ARMH1: variants seen among roughly 807,000 people sequenced by gnomAD.
The protein encoded by ARMH1 is armadillo-like helical domain containing protein 1.
ARMH1 carries 34 observed loss-of-function variants against 50.2 expected under a neutral mutation model. The ratio of observed to expected loss-of-function variants is 0.68; its 90% CI spans 0.51 to 0.90. ARMH1 has a LOEUF of 0.90. Among genes scored for constraint, ARMH1 ranks in the 40% least tolerant of loss-of-function variants. ARMH1 has a pLI of 0.00. For missense variants in ARMH1, 538 were observed against 553.9 expected, an observed-to-expected ratio of 0.97 and a Z score of 0.29; for synonymous variants, 221 against 224.2, an observed-to-expected ratio of 0.99 and a Z score of 0.13.
intron 6 of ARMH1, among the ~76,000 whole-genome samples, chr1:44,722,864 C>A (rs1365096757): frequency 1.3e-5 from 2 of 148,456 alleles, no homozygotes; most frequent in African/African-American, 5.0e-5. Flanking sequence ...TCAAGACCAG[C>A]CTGGCCAAGA....
intron 6 of ARMH1, among the ~76,000 whole-genome samples, chr1:44,719,025 GAAAAAAAAAA>G (rs35822364): frequency 1.3e-4 from 10 of 78,636 alleles, no homozygotes; most frequent in African/African-American, 2.0e-4. Flanking sequence ...AACTGTCTCG[GAAAAAAAAAA>G]AAAAAAAAAA....
intron 6 of ARMH1, among the ~76,000 whole-genome samples, chr1:44,712,121 C>T (rs1449179372): frequency 6.6e-6 from 1 of 152,154 alleles, no homozygotes; most frequent in Non-Finnish European, 1.5e-5. Flanking sequence ...CTTTTAATCC[C>T]AGCACTTTGG....
At chr1:44,722,654 G>T (rs886951783) in intron 6 of ARMH1, among the ~76,000 whole-genome samples, 5 of 152,084 alleles carry the variant, frequency 3.3e-5, no homozygotes, top group Middle Eastern at 3.4e-3. Context: ...TGAGGCAGGA[G>T]TATCGCTTGA....
Position 44,697,096 on chromosome 1 carries a change from A to G in ARMH1, c.207-6A>G, listed in dbSNP as rs367659739. ...CCTGAAACTCACTCTTTAACGTGTC[A>G]TACAGCTATATGACTGACTCATGTT... is the stretch of plus-strand genomic sequence containing the variant. On this transcript the variant is annotated splice_polypyrimidine_tract_variant and splice_region_variant and intron_variant, in intron 2 of 11. Transcript: ENST00000535358. 101 of 1,550,548 alleles carry G rather than the reference A, an allele frequency of 6.5e-5. 1 individual carries two copies. The East Asian group carries it at 9.5e-4, about 15-fold the overall frequency.
intron 2 of ARMH1, chr1:44,692,854 C>T (rs1645702457): frequency 6.6e-6 from 1 of 152,020 alleles, no homozygotes; most frequent in Non-Finnish European, 1.5e-5. Context: ...CTCACCTCAG[C>T]CTCCCAAGCA....
intron 6 of ARMH1, among the ~76,000 whole-genome samples, chr1:44,712,065 C>T (rs1386589040): frequency 1.3e-5 from 2 of 152,194 alleles, no homozygotes; most frequent in Non-Finnish European, 2.9e-5. Flanking sequence ...CAAGACTTGC[C>T]TTGTTTTTAC....
intron 6 of ARMH1, among the ~76,000 whole-genome samples, chr1:44,719,213 G>A (rs1646981002): frequency 7.5e-6 from 1 of 133,926 alleles, no homozygotes; most frequent in African/African-American, 3.1e-5. Flanking sequence ...TCTGTGATTG[G>A]GAAAACCAGG....
At chr1:44,721,572 C>G (rs11211025) in intron 6 of ARMH1, among the ~76,000 whole-genome samples, 1 of 151,664 alleles carries the variant, frequency 6.6e-6, no homozygotes, top group African/African-American at 2.4e-5. Flanking sequence ...GCTAAAAAAA[C>G]ATGACAGTAG....
Position 44,683,895 on chromosome 1 carries a change from G to T in ARMH1, c.-22-5781G>T, listed in dbSNP as rs1423194471. 6.6e-6 allele frequency among the ~76,000 whole-genome samples: 1 copy of T among 152,164 alleles called. No homozygotes were observed. Among genetic ancestry groups the T allele is most frequent in the East Asian group, 1.9e-4 (1 of 5,194 alleles). ...AGGCAGGGTGCGGTGGCTCACACCTGTAATTCCAGCACTTTGGGAGGCCAA... is the reference window on the plus strand; with the variant it reads ...AGGCAGGGTGCGGTGGCTCACACCTTTAATTCCAGCACTTTGGGAGGCCAA... On this transcript the variant is annotated intron_variant, in intron 1 of 11. Coordinates refer to ENST00000535358, the MANE Select transcript of ARMH1 (RefSeq NM_001145636.2). This position sits in a 1 kb window ranked among gnomAD's most constrained non-coding sequence, Gnocchi z 4.2.
At chr1:44,693,440 T>C (rs2148627565) in intron 2 of ARMH1, among the ~76,000 whole-genome samples, 1 of 152,288 alleles carries the variant, frequency 6.6e-6, no homozygotes, top group East Asian at 1.9e-4. Context: ...CATCTCATCA[T>C]GGATTTGTTG....
At chr1:44,688,846 T>TC (rs1193192422) in intron 1 of ARMH1, among the ~76,000 whole-genome samples, 17 of 152,212 alleles carry the variant, frequency 1.1e-4, no homozygotes, top group Non-Finnish European at 2.2e-4. Flanking sequence ...AGCCCATTAA[T>TC]CCAACTATGG....
intron 1 of ARMH1, among the ~76,000 whole-genome samples, chr1:44,679,072 G>T (rs573063411): frequency 6.6e-6 from 1 of 152,310 alleles, no homozygotes; most frequent in East Asian, 1.9e-4. Flanking sequence ...GACAAAGTAG[G>T]TCTGTTATCC....
At chr1:44,713,626 A>C (rs187166444) in intron 6 of ARMH1, among the ~76,000 whole-genome samples, 12 of 152,350 alleles carry the variant, frequency 7.9e-5, no homozygotes, top group Non-Finnish European at 1.6e-4. Context: ...TCTATAAAAC[A>C]GTCTTCCAGG....
intron 6 of ARMH1, among the ~76,000 whole-genome samples, chr1:44,708,139 A>G (rs1014535176): frequency 1.3e-5 from 2 of 152,268 alleles, no homozygotes; most frequent in African/African-American, 2.4e-5. Flanking sequence ...GCACGCCTTC[A>G]GTTTCCACTG....
intron 2 of ARMH1, among the ~76,000 whole-genome samples, chr1:44,695,353 T>C (rs1285709555): frequency 2.0e-5 from 3 of 152,228 alleles, no homozygotes; most frequent in Non-Finnish European, 4.4e-5. Flanking sequence ...CAATAGGAGC[T>C]GGTACTTGTT....
At chr1:44,706,935 C>G (rs1646367845) in intron 6 of ARMH1, among the ~76,000 whole-genome samples, 1 of 152,146 alleles carries the variant, frequency 6.6e-6, no homozygotes, top group African/African-American at 2.4e-5. Flanking sequence ...ACCTTCCTCT[C>G]CCCACCTCAC....
chr1:44,680,454 G>A (rs1225218377), intron 1 of ARMH1, among the ~76,000 whole-genome samples: 5 of 152,226 alleles, frequency 3.3e-5, no homozygotes, highest in African/African-American at 4.8e-5. Context: ...GATTATTGGC[G>A]TAAGCCACTG....
At chr1:44,722,428 G>A (rs553465452) in intron 6 of ARMH1, among the ~76,000 whole-genome samples, 56 of 152,178 alleles carry the variant, frequency 3.7e-4, no homozygotes, top group African/African-American at 1.2e-3. Flanking sequence ...AAGTCCAGGC[G>A]TGGTGGCTCA....
In ARMH1 at chr1:44,681,938, A is replaced by G. The variant is rs1557513113; in HGVS notation, c.-23+7065A>G. On this transcript the variant is annotated intron_variant, in intron 1 of 11. Coordinates refer to ENST00000535358, the MANE Select transcript of ARMH1 (RefSeq NM_001145636.2). The surrounding 1 kb of genome is among the most constrained non-coding windows in gnomAD (Gnocchi z 4.3). ...TTCCATGTCTCTTCTCTGTGCGCCA[A>G]CAGAACCTGGGATATATCCCATCAG... Among the ~76,000 whole-genome samples the G allele has an allele frequency of 6.6e-6, 1 of 152,144 alleles. No homozygotes were observed. Among genetic ancestry groups the G allele is most frequent in the African/African-American group, 2.4e-5 (1 of 41,420 alleles).
Sources: gnomAD v4.1 joint callset for allele counts (sites outside exome capture counted in the v4.1 genomes callset) on GRCh38, gnomAD v4.1.1 for gene constraint, Gnocchi (gnomAD v3.1) non-coding constraint, MANE v1.5 for transcripts, NCBI Gene and HGNC (gene_info 2026-07-23, HGNC 2026-07-21) for gene names.